The following NRG1 variants were observed in gnomAD, a reference collection of about 807,000 sequenced individuals.
NRG1 encodes the protein neuregulin 1.
Under a neutral mutation model 63.8 loss-of-function variants are expected in NRG1, and 18 were observed. The ratio of observed to expected loss-of-function variants is 0.28; its 90% CI spans 0.19 to 0.42. The LOEUF (loss-of-function observed/expected upper bound fraction) is 0.42, where lower values mean the gene tolerates loss of function less well. Among genes scored for constraint, NRG1 ranks in the 10% least tolerant of loss-of-function variants. NRG1 has a pLI of 1.00. For missense variants in NRG1, 762 were observed against 814.7 expected, an observed-to-expected ratio of 0.94 and a Z score of 0.79; for synonymous variants, 302 against 301.3, an observed-to-expected ratio of 1.00 and a Z score of -0.02.
intron 1 of NRG1, among the ~76,000 whole-genome samples, chr8:31,934,160 G>T (rs1431411089): frequency 3.3e-5 from 5 of 152,142 alleles, no homozygotes; most frequent in South Asian, 4.2e-4. Flanking sequence ...TTAGTCTGGG[G>T]CATTAAAATT....
intron 1 of NRG1, among the ~76,000 whole-genome samples, chr8:32,359,130 C>A (rs576971514): frequency 1.1e-4 from 17 of 152,178 alleles, no homozygotes; most frequent in Middle Eastern, 3.4e-3. Context: ...TCTACGTCAG[C>A]CCCTAACATT....
intron 1 of NRG1, among the ~76,000 whole-genome samples, chr8:31,853,127 G>GT (rs1208130809): frequency 6.6e-6 from 1 of 152,066 alleles, no homozygotes; most frequent in African/African-American, 2.4e-5. Flanking sequence ...CTTTAAAGTA[G>GT]TTTTTTTCAA....
chr8:32,431,388 G>A (rs1818130327), intron 1 of NRG1, among the ~76,000 whole-genome samples: 1 of 152,082 alleles, frequency 6.6e-6, no homozygotes, highest in Non-Finnish European at 1.5e-5. Flanking sequence ...TGATAAACGG[G>A]AAGCCACACG....
intron 1 of NRG1, among the ~76,000 whole-genome samples, chr8:32,326,186 T>C (rs1801988162): frequency 6.6e-6 from 1 of 152,104 alleles, no homozygotes; most frequent in Non-Finnish European, 1.5e-5. Flanking sequence ...ATTTTTGTAT[T>C]TTTAGTAGAG....
At chr8:32,710,043 G>A (rs1564000885) in intron 5 of NRG1, among the ~76,000 whole-genome samples, 1 of 152,076 alleles carries the variant, frequency 6.6e-6, no homozygotes, top group Non-Finnish European at 1.5e-5. Flanking sequence ...TTAACCAAAC[G>A]AAAGATGTCT....
intron 9 of NRG1, among the ~76,000 whole-genome samples, 172 bp downstream of exon 9, chr8:32,756,701 T>C (rs1387576590): frequency 1.3e-5 from 2 of 152,212 alleles, no homozygotes; most frequent in Non-Finnish European, 2.9e-5. Flanking sequence ...TAAAAGTGGA[T>C]TTGGTTACTG....
chr8:32,144,795 C>CAGCAG (rs148579011), intron 1 of NRG1, among the ~76,000 whole-genome samples: 1,995 of 152,250 alleles, frequency 0.013, 52 homozygotes, highest in African/African-American at 0.045. Context: ...GTAATAATTG[C>CAGCAG]AGCAGATTCT....
intron 1 of NRG1, among the ~76,000 whole-genome samples, chr8:31,764,736 T>A (rs954949818): frequency 1.3e-5 from 2 of 152,148 alleles, no homozygotes; most frequent in African/African-American, 2.4e-5. Flanking sequence ...ACTTACATCT[T>A]CTTTGATTTT....
At chr8:31,794,022 T>C (rs1030175804) in intron 1 of NRG1, among the ~76,000 whole-genome samples, 1 of 152,190 alleles carries the variant, frequency 6.6e-6, no homozygotes, top group Non-Finnish European at 1.5e-5. Context: ...CAGCTGTTTT[T>C]ATACTTCTCT....
chr8:32,560,492 C>G (rs118174582), intron 1 of NRG1, among the ~76,000 whole-genome samples: 3,350 of 152,206 alleles, frequency 0.022, 49 homozygotes, highest in Middle Eastern at 0.048. Flanking sequence ...CAGTAACTGA[C>G]TGAATGAGGA....
intron 1 of NRG1, among the ~76,000 whole-genome samples, chr8:32,302,871 A>G (rs1855735392): frequency 6.6e-6 from 1 of 151,794 alleles, no homozygotes; most frequent in African/African-American, 2.4e-5. Flanking sequence ...TTGTATTTCT[A>G]TTTATCAAGA....
chr8:31,965,167 C>T (rs1806114013), intron 1 of NRG1, among the ~76,000 whole-genome samples: 1 of 151,976 alleles, frequency 6.6e-6, no homozygotes, highest in South Asian at 2.1e-4. Context: ...TTTCTTTATC[C>T]TCTAATCAAC....
intron 1 of NRG1, among the ~76,000 whole-genome samples, chr8:32,242,500 A>G (rs1586328555): frequency 6.6e-6 from 1 of 152,324 alleles, no homozygotes; most frequent in East Asian, 1.9e-4. Context: ...AAGAAAAATA[A>G]GAACACGTCT....
intron 1 of NRG1, among the ~76,000 whole-genome samples, chr8:32,508,731 GT>G (rs1389669030): frequency 6.6e-6 from 1 of 151,792 alleles, no homozygotes; most frequent in South Asian, 2.1e-4. Context: ...TGTTGTTTTG[GT>G]TTTTTGTTTG....
Position 32,029,005 on chromosome 8 carries a change from T to C in NRG1, c.37+389574T>C, listed in dbSNP as rs556908424. Among the ~76,000 whole-genome samples the C allele has an allele frequency of 1.2e-3, 187 of 152,324 alleles. 2 individuals carry two copies. The highest frequency in any genetic ancestry group is 1.7e-3 in the South Asian group (8 of 4,826). On this transcript the variant is annotated intron_variant, in intron 1 of 10. Transcript: ENST00000519301. ...ATATCATTACTTCCTGAAAGTGGCA[T>C]TCATCTCTATGGGTAGTCATTTTAA...
chr8:32,265,949 A>G (rs2129472011), intron 1 of NRG1, among the ~76,000 whole-genome samples: 1 of 152,306 alleles, frequency 6.6e-6, no homozygotes, highest in South Asian at 2.1e-4. Context: ...AAAATATAGG[A>G]AAGAATGTAT....
intron 1 of NRG1, among the ~76,000 whole-genome samples, chr8:32,520,411 G>T (rs151224491): frequency 6.6e-6 from 1 of 151,554 alleles, no homozygotes; most frequent in Non-Finnish European, 1.5e-5. Context: ...CACCCGCCTC[G>T]GCTTCTCAAA....
chr8:31,669,399 G>A (rs192884831), intron 1 of NRG1, among the ~76,000 whole-genome samples: 5 of 152,040 alleles, frequency 3.3e-5, no homozygotes, highest in East Asian at 1.9e-4. Context: ...CACCATGCCC[G>A]GCTAATTTTT....
chr8:32,378,607 A>T (rs1238480493), intron 1 of NRG1, among the ~76,000 whole-genome samples: 2 of 152,218 alleles, frequency 1.3e-5, no homozygotes, highest in Admixed American at 1.3e-4. Context: ...GAAGCATTTC[A>T]ATTGTTGAAA....
Sources: allele counts gnomAD v4.1 joint callset (sites outside exome capture counted in the v4.1 genomes callset), GRCh38; gene constraint gnomAD v4.1.1; transcripts MANE v1.5; gene names NCBI Gene and HGNC (gene_info 2026-07-23, HGNC 2026-07-21).